The following SERPINB12 variants were observed in gnomAD, a reference collection of about 807,000 sequenced individuals.
The protein encoded by SERPINB12 is serpin B12.
In SERPINB12, 57 loss-of-function variants were observed where a neutral mutation model predicts 41.1. The ratio of observed to expected loss-of-function variants is 1.39; its 90% CI spans 1.12 to 1.73. The LOEUF is 1.73. Among genes scored for constraint, SERPINB12 ranks in the 40% most tolerant of loss-of-function variants. The pLI is 0.00. For synonymous variants in SERPINB12, 180 were observed against 181.3 expected (o/e 0.99, Z 0.06); for missense variants, 536 against 501.9 (o/e 1.07, Z -0.65).
intron 6 of SERPINB12, 79 bp downstream of exon 6, chr18:63,564,199 G>T (rs1374587049): frequency 2.1e-6 from 3 of 1,401,336 alleles, no homozygotes; most frequent in African/African-American, 2.9e-5. Context: ...ATGTATACTC[G>T]AAAAGTTACA....
chr18:63,526,102 A>G, the SERPINB12 span, among the ~76,000 whole-genome samples: 1 of 152,170 alleles, frequency 6.6e-6, no homozygotes, highest in African/African-American at 2.4e-5. Context: ...CATGGATCTT[A>G]AAAACATTTG....
intron 1 of SERPINB12, among the ~76,000 whole-genome samples, chr18:63,545,085 G>T (rs1035058998): frequency 6.6e-6 from 1 of 152,102 alleles, no homozygotes; most frequent in African/African-American, 2.4e-5. Flanking sequence ...GGCAGAAAAA[G>T]GCTAATTGCT....
At chr18:63,559,803 T>C (rs1026838208) in intron 4 of SERPINB12, 85 bp downstream of exon 4, 4 of 1,403,272 alleles carry the variant, frequency 2.9e-6, no homozygotes, top group East Asian at 2.3e-5. Context: ...TCACCTGCCA[T>C]CTAGAACACA....
At chr18:63,548,692 A>G (rs1393065450) in intron 1 of SERPINB12, among the ~76,000 whole-genome samples, 4 of 152,026 alleles carry the variant, frequency 2.6e-5, no homozygotes, top group Non-Finnish European at 5.9e-5. Context: ...AGAATTTATA[A>G]AGAGAAAAGA....
chr18:63,532,796 T>C, the SERPINB12 span, among the ~76,000 whole-genome samples: 1 of 152,154 alleles, frequency 6.6e-6, no homozygotes, highest in Non-Finnish European at 1.5e-5. Context: ...ATGAATCTAG[T>C]TGAAAAGTAA....
the SERPINB12 span, among the ~76,000 whole-genome samples, chr18:63,533,572 G>C: frequency 2.0e-5 from 3 of 152,160 alleles, no homozygotes. Flanking sequence ...TAATCCTTTT[G>C]AAAACATGTT....
chr18:63,565,064 G>A (rs1911047803), intron 6 of SERPINB12, among the ~76,000 whole-genome samples: 1 of 152,136 alleles, frequency 6.6e-6, no homozygotes, highest in African/African-American at 2.4e-5. Context: ...GTCCACGCCT[G>A]TGGCCCCAGC....
chr18:63,565,390 T>C, intron 6 of SERPINB12, 55 bp from the exon 7 acceptor site: 1 of 1,525,342 alleles, frequency 6.6e-7, no homozygotes, highest in Non-Finnish European at 8.9e-7. Context: ...TGGGGCCATA[T>C]GAATTTGGGA....
At position 63,566,880 on chromosome 18, in the gene SERPINB12, A is replaced by G. The variant is rs61761880; in HGVS notation, c.1147A>G (p.Thr383Ala). Residue 383 changes from threonine (T) to alanine (A), a missense_variant, in exon 8 of 8, where the codon ACT becomes GCT. By Grantham distance (58) the Thr-to-Ala change is moderately conservative. Transcript: ENST00000382768. ...AAACGGTACCCAGGCAGCTGCAGCC[A>G]CTGGGGCTGTTGTCTCGGAAAGGTC... ...DENGTQAAAA[T>A]GAVVSERSLR... 155 of 1,614,080 alleles carry G rather than the reference A, an allele frequency of 9.6e-5. No individual in the cohort carries two copies. Among genetic ancestry groups the G allele is most frequent in the Non-Finnish European group, 1.3e-4 (151 of 1,180,028 alleles).
chr18:63,565,638 CA>C, intron 7 of SERPINB12, 26 bp downstream of exon 7: 1 of 1,587,244 alleles, frequency 6.3e-7, no homozygotes, highest in African/African-American at 1.4e-5. Context: ...CACATCTCTA[CA>C]AAATATTTAA....
rs556585629 is a variant in SERPINB12 at position 63,561,127 on chromosome 18, G to C, written c.487G>C (p.Glu163Gln). ...GVIQFYHTTI[E>Q]SVDFQKNPEK... Reference sequence around the variant, plus strand: ...GATTCAATTTTACCACACGACGATTGAAAGTGTTGATTTCCAAAAAAACCC... The same window carrying C: ...GATTCAATTTTACCACACGACGATTCAAAGTGTTGATTTCCAAAAAAACCC... The change falls in exon 5 of 8, where the codon GAA becomes CAA. Residue 163 changes from glutamate (E) to glutamine (Q), a missense_variant. Transcript: ENST00000382768. 1.7e-5 allele frequency: 27 copies of C among 1,613,208 alleles called. No homozygotes were observed. In the South Asian group the frequency reaches 2.7e-4, roughly 16 times the overall value.
upstream of SERPINB12, among the ~76,000 whole-genome samples, chr18:63,540,783 T>C (rs576180288): frequency 1.3e-5 from 2 of 152,190 alleles, no homozygotes; most frequent in African/African-American, 4.8e-5. Flanking sequence ...CACTTAAATG[T>C]TTAATTAATA....
intron 6 of SERPINB12, among the ~76,000 whole-genome samples, chr18:63,564,698 T>A (rs574644908): frequency 1.3e-5 from 2 of 152,298 alleles, no homozygotes; most frequent in South Asian, 4.2e-4. Flanking sequence ...ATGGAGATGA[T>A]TCTCACTTAA....
upstream of SERPINB12, among the ~76,000 whole-genome samples, chr18:63,541,433 C>T (rs1278992020): frequency 6.6e-6 from 1 of 152,114 alleles, no homozygotes; most frequent in Non-Finnish European, 1.5e-5. Flanking sequence ...CACTTAGAGA[C>T]AGGACCCTCA....
intron 1 of SERPINB12, among the ~76,000 whole-genome samples, chr18:63,554,772 G>A (rs1018864848): frequency 1.3e-5 from 2 of 152,144 alleles, no homozygotes; most frequent in African/African-American, 2.4e-5. Context: ...CTGGTGATAT[G>A]GTTTGGCTCT....
chr18:63,554,188 A>T (rs1457187660), intron 1 of SERPINB12, among the ~76,000 whole-genome samples: 1 of 152,230 alleles, frequency 6.6e-6, no homozygotes, highest in Non-Finnish European at 1.5e-5. Flanking sequence ...ACCTATCATC[A>T]GTTGAGGGGC....
At chr18:63,535,454 A>T in the SERPINB12 span, among the ~76,000 whole-genome samples, 14 of 152,180 alleles carry the variant, frequency 9.2e-5, no homozygotes, top group Non-Finnish European at 5.9e-5. Flanking sequence ...GAGGAAACTT[A>T]AAAATAATAC....
intron 7 of SERPINB12, 74 bp from the exon 8 acceptor site, chr18:63,566,533 G>T (rs997553682): frequency 2.2e-6 from 3 of 1,365,732 alleles, no homozygotes; most frequent in Non-Finnish European, 3.0e-6. Flanking sequence ...AGGGACTCAG[G>T]CACCTTGAAG....
Position 63,559,676 on chromosome 18 carries a change from T to G in SERPINB12, c.402T>G (p.Ile134Met). 6.2e-7 allele frequency: 1 copy of G among 1,614,158 alleles called. No homozygotes were observed. Among genetic ancestry groups the G allele is most frequent in the Non-Finnish European group, 8.5e-7 (1 of 1,179,994 alleles). ...DRIKTDYTLSIANRLYGEQEF... is the reference protein window; with the variant it reads ...DRIKTDYTLSMANRLYGEQEF... ...TCAAGACTGATTACACACTGAGTAT[T>G]GCCAACAGGCTTTATGGAGAGCAGG... The change falls in exon 4 of 8, where the codon ATT becomes ATG. Residue 134 changes from isoleucine to methionine, a missense_variant. Coordinates refer to ENST00000382768, the MANE Select transcript of SERPINB12 (RefSeq NM_001307928.2).
Sources: gnomAD v4.1 joint callset for allele counts (sites outside exome capture counted in the v4.1 genomes callset) on GRCh38, gnomAD v4.1.1 for gene constraint, MANE v1.5 for transcripts, NCBI Gene and HGNC (gene_info 2026-07-23, HGNC 2026-07-21) for gene names.